The following GYG1 variants were observed in gnomAD, a reference collection of about 807,000 sequenced individuals.
The protein encoded by GYG1 is glycogenin-1.
Under a neutral mutation model 41.9 loss-of-function variants are expected in GYG1, and 44 were observed. The observed-to-expected ratio is 1.05, with a 90% CI of 0.83 to 1.35. The LOEUF is 1.35. GYG1 is among the 40% of genes most tolerant of loss of function. The pLI, the probability that GYG1 is intolerant of heterozygous loss-of-function variation, is 0.00. For synonymous variants in GYG1, 141 were observed against 158.1 expected (o/e 0.89, Z 0.81); for missense variants, 429 against 418.9 (o/e 1.02, Z -0.21).
intron 5 of GYG1, among the ~76,000 whole-genome samples, chr3:149,017,409 T>C (rs1211199505): frequency 1.3e-5 from 2 of 151,956 alleles, no homozygotes; most frequent in Non-Finnish European, 2.9e-5. Context: ...CTTTTTTTTT[T>C]TTTAATTCCT....
At chr3:149,009,194 TA>T in intron 4 of GYG1, 81 bp from the exon 5 acceptor site, 2 of 1,112,474 alleles carry the variant, frequency 1.8e-6, no homozygotes, top group Non-Finnish European at 2.7e-6. Flanking sequence ...TGTCTATTTT[TA>T]AAGGTCCAGT....
chr3:149,027,404 T>C lies in GYG1; in HGVS notation c.*471T>C, dbSNP rs917485718. On this transcript the variant is annotated 3_prime_UTR_variant, in exon 8 of 8. Transcript: ENST00000345003. Reference sequence around the variant, plus strand: ...GTGTAATTCTCCTTTCAGGTAAAGATAGGCTATCTCAACACTGCTGAGTGA... The same window carrying C: ...GTGTAATTCTCCTTTCAGGTAAAGACAGGCTATCTCAACACTGCTGAGTGA... 2.2e-5 allele frequency: 4 copies of C among 185,444 alleles called. No individual in the cohort carries two copies. Among genetic ancestry groups the C allele is most frequent in the Admixed American group, 1.6e-4 (3 of 18,558 alleles). The allele number at this position is 185,444 out of a possible 1,614,324, so 11.5% of individuals were successfully genotyped here. A position where few individuals can be genotyped will look rare whatever the true frequency, so the allele number is the denominator to read the frequency against.
In GYG1 at chr3:148,994,193, T is replaced by C. The variant is rs1386488636; in HGVS notation, c.59T>C (p.Leu20Pro). 12 of 1,613,988 alleles carry C rather than the reference T, an allele frequency of 7.4e-6. No individual in the cohort carries two copies. The highest frequency in any genetic ancestry group is 1.0e-5 in the Non-Finnish European group (12 of 1,179,874). Residue 20 changes from leucine to proline, a missense_variant, in exon 2 of 8, where the codon CTG becomes CCG. Transcript: ENST00000345003. The stretch of plus-strand genomic sequence containing the variant: ...AACGATGCCTACGCCAAAGGTGCCC[T>C]GGTCCTGGGATCATCTCTGAAACAG... ...TTNDAYAKGALVLGSSLKQHR... is the reference protein window; with the variant it reads ...TTNDAYAKGAPVLGSSLKQHR...
chr3:149,003,964 G>A (rs1559837251), intron 4 of GYG1: 1 of 152,158 alleles, frequency 6.6e-6, no homozygotes, highest in African/African-American at 2.4e-5. Flanking sequence ...AAACAAATAG[G>A]CCCAGTTTCT....
intron 4 of GYG1, among the ~76,000 whole-genome samples, chr3:148,999,653 G>A (rs906837162): frequency 1.3e-5 from 2 of 152,110 alleles, no homozygotes; most frequent in African/African-American, 4.8e-5. Context: ...TCTAATGGCA[G>A]TAACCTTTGC....
chr3:149,008,205 G>A (rs1306306241), intron 4 of GYG1: 1 of 152,238 alleles, frequency 6.6e-6, no homozygotes, highest in Non-Finnish European at 1.5e-5. Flanking sequence ...CATTGTTCCA[G>A]TTTGCTCTCT....
At position 149,024,117 on chromosome 3, in the gene GYG1, G is replaced by A. The variant is rs1416008207; in HGVS notation, c.673G>A (p.Asp225Asn). 5 of 1,613,968 alleles carry A rather than the reference G, an allele frequency of 3.1e-6. No homozygotes were observed. Among genetic ancestry groups the A allele is most frequent in the Non-Finnish European group, 4.2e-6 (5 of 1,179,990 alleles). Reference protein sequence around the residue: ...GRVKPWNYTYDPKTKSVKSEA... With the variant: ...GRVKPWNYTYNPKTKSVKSEA... Reference sequence around the variant, plus strand: ...AGTCAAACCATGGAATTATACTTATGATCCCAAAACAAAAAGTGTCAAAAG... The same window carrying A: ...AGTCAAACCATGGAATTATACTTATAATCCCAAAACAAAAAGTGTCAAAAG... Residue 225 changes from aspartate (D) to asparagine (N), a missense_variant, in exon 6 of 8, where the codon GAT becomes AAT. Physicochemically the swap from Asp to Asn is conservative, Grantham distance 23 (BLOSUM62 1). Coordinates refer to ENST00000345003, the MANE Select transcript of GYG1 (RefSeq NM_004130.4).
intron 7 of GYG1, 77 bp downstream of exon 7, chr3:149,026,579 GTTAGGAAAAAATCATATAATCTATATTT>G: frequency 9.3e-7 from 1 of 1,077,524 alleles, no homozygotes; most frequent in Non-Finnish European, 1.4e-6. Flanking sequence ...TCTTCATTTT[GTTAGGAAAAAATCATATAATCTATATTT>G]TTGTGTCTTT....
chr3:148,994,426 A>AT, intron 2 of GYG1, 149 bp downstream of exon 2: 1 of 851,618 alleles, frequency 1.2e-6, no homozygotes. Flanking sequence ...GGATTGCTGT[A>AT]TTTGAAACCT....
In GYG1 at chr3:149,029,757, T is replaced by C. The variant is rs1011989691; in HGVS notation, c.*2824T>C. Among the ~76,000 whole-genome samples, 4 of 152,162 alleles carry C rather than the reference T, an allele frequency of 2.6e-5. No individual in the cohort carries two copies. Among genetic ancestry groups the C allele is most frequent in the Non-Finnish European group, 4.4e-5 (3 of 68,020 alleles). On this transcript the variant is annotated 3_prime_UTR_variant, in exon 8 of 8. Coordinates refer to ENST00000345003, the MANE Select transcript of GYG1 (RefSeq NM_004130.4). ...TAGTACTCACTGGTAACAAACTACA[T>C]AGGGTTAGTTTGTATTTCCAATTCT...
At chr3:148,995,221 A>AG (rs1712717836) in intron 2 of GYG1, among the ~76,000 whole-genome samples, 1 of 152,124 alleles carries the variant, frequency 6.6e-6, no homozygotes, top group Non-Finnish European at 1.5e-5. Flanking sequence ...AAAAACAACA[A>AG]CAACAGAAAA....
At position 149,021,101 on chromosome 3, in the gene GYG1, T is replaced by C. The variant is rs561875703; in HGVS notation, c.609-2952T>C. Reference sequence around the variant, plus strand: ...CCCCCACTTCCTGCACAAAACCACCTCTGAAAATCCCACCTGCATTCATTA... The same window carrying C: ...CCCCCACTTCCTGCACAAAACCACCCCTGAAAATCCCACCTGCATTCATTA... On this transcript the variant is annotated intron_variant, in intron 5 of 7. Transcript: ENST00000345003. 2.0e-5 allele frequency among the ~76,000 whole-genome samples: 3 copies of C among 152,334 alleles called. No homozygotes were observed. In the South Asian group the frequency reaches 6.2e-4, roughly 32 times the overall value.
At chr3:149,019,718 T>C (rs954721581) in intron 5 of GYG1, among the ~76,000 whole-genome samples, 9 of 152,326 alleles carry the variant, frequency 5.9e-5, no homozygotes, top group African/African-American at 1.7e-4. Context: ...CAGGGATTCA[T>C]GAAGGTAGAG....
Position 149,026,813 on chromosome 3 carries a change from G to T in GYG1, c.933G>T (p.Met311Ile). 5 of 1,613,978 alleles carry T rather than the reference G, an allele frequency of 3.1e-6. No homozygotes were observed. Among genetic ancestry groups the T allele is most frequent in the Non-Finnish European group, 4.2e-6 (5 of 1,179,888 alleles). ...SHLSLGEIPAMAQPFVSSEER... is the reference protein window; with the variant it reads ...SHLSLGEIPAIAQPFVSSEER... ...TGTCCCTTGGGGAGATCCCAGCTAT[G>T]GCACAGCCGTTTGTATCCTCGGAAG... Residue 311 changes from methionine to isoleucine, a missense_variant, in exon 8 of 8, where the codon ATG (methionine) becomes ATT (isoleucine). Transcript: ENST00000345003.
At chr3:149,016,451 A>C (rs1245630589) in intron 5 of GYG1, among the ~76,000 whole-genome samples, 1 of 152,078 alleles carries the variant, frequency 6.6e-6, no homozygotes, top group Non-Finnish European at 1.5e-5. Flanking sequence ...GAGTCTCCCT[A>C]GTGGCCTGGT....
chr3:149,019,826 G>T (rs1170785289), intron 5 of GYG1, among the ~76,000 whole-genome samples: 1 of 152,242 alleles, frequency 6.6e-6, no homozygotes, highest in Non-Finnish European at 1.5e-5. Flanking sequence ...ATATGGAGAG[G>T]TATTTAACCG....
chr3:149,004,257 GA>G, intron 4 of GYG1, among the ~76,000 whole-genome samples: 1 of 152,300 alleles, frequency 6.6e-6, no homozygotes, highest in Admixed American at 6.5e-5. Flanking sequence ...TGAGATGAGT[GA>G]GATTAAAATT....
At chr3:149,023,969 A>G (rs1247703031) in intron 5 of GYG1, 84 bp from the exon 6 acceptor site, 1 of 922,862 alleles carries the variant, frequency 1.1e-6, no homozygotes, top group Non-Finnish European at 1.8e-6. Flanking sequence ...AAAGAAAGCT[A>G]TAGAAAAGTG....
At chr3:148,995,383 A>G (rs941122361) in intron 2 of GYG1, among the ~76,000 whole-genome samples, 3 of 152,158 alleles carry the variant, frequency 2.0e-5, no homozygotes, top group Non-Finnish European at 4.4e-5. Flanking sequence ...TTTTTTCCCA[A>G]AAAGTATAAG....
Sources: gnomAD v4.1 joint callset for allele counts (sites outside exome capture counted in the v4.1 genomes callset) on GRCh38, gnomAD v4.1.1 for gene constraint, MANE v1.5 for transcripts, NCBI Gene and HGNC (gene_info 2026-07-23, HGNC 2026-07-21) for gene names.